ADAM28: variants seen among roughly 807,000 people sequenced by gnomAD.
ADAM28 encodes the protein disintegrin and metalloproteinase domain-containing protein 28.
Under a neutral mutation model 101.2 loss-of-function variants are expected in ADAM28, and 105 were observed. That is an observed-to-expected ratio of 1.04 (90% CI 0.89 to 1.22). The LOEUF is 1.22. Among genes scored for constraint, ADAM28 ranks in the 50% most tolerant of loss-of-function variants. The pLI, the probability that ADAM28 is intolerant of heterozygous loss-of-function variation, is 0.00. For synonymous variants in ADAM28, 322 were observed against 310.6 expected (o/e 1.04, Z -0.39); for missense variants, 1,028 against 945.4 (o/e 1.09, Z -1.15).
chr8:24,348,584 A>G (rs1012913768), intron 18 of ADAM28, among the ~76,000 whole-genome samples: 3 of 152,210 alleles, frequency 2.0e-5, no homozygotes, highest in Admixed American at 2.0e-4. Flanking sequence ...AAGTACTTTT[A>G]TACTTTTAGG....
In ADAM28 at chr8:24,323,838, A is replaced by C. The variant is rs1471604304; in HGVS notation, c.725A>C (p.Tyr242Ser). The C allele has an allele frequency of 1.9e-6, 3 of 1,607,486 alleles. No homozygotes were observed. Among genetic ancestry groups the C allele is most frequent in the African/African-American group, 1.3e-5 (1 of 74,484 alleles). Reference protein sequence around the residue: ...FEMANYVNMLYKKLNTHVALV... With the variant: ...FEMANYVNMLSKKLNTHVALV... ...CCATTTATTTTCTTTGGACAGCTTT[A>C]TAAAAAGCTCAATACTCATGTGGCC... The change falls in exon 9 of 23, where the codon TAT (tyrosine) becomes TCT (serine). Residue 242 changes from tyrosine (Y) to serine (S), a missense_variant. Coordinates refer to ENST00000265769, the MANE Select transcript of ADAM28 (RefSeq NM_014265.6).
At chr8:24,341,036 T>C (rs1814700584) in intron 15 of ADAM28, 1 of 152,406 alleles carries the variant, frequency 6.6e-6, no homozygotes, top group East Asian at 1.9e-4. Flanking sequence ...GACAGCATTA[T>C]AGTGGAGACT....
intron 20 of ADAM28, 31 bp from the exon 21 acceptor site, chr8:24,351,956 T>C: frequency 1.2e-6 from 2 of 1,610,792 alleles, no homozygotes; most frequent in Non-Finnish European, 1.7e-6. Flanking sequence ...AAACTAATGG[T>C]TCATTTTGAA....
intron 2 of ADAM28, among the ~76,000 whole-genome samples, chr8:24,306,369 T>TATATTATATAA (rs1809660208): frequency 7.4e-6 from 1 of 135,692 alleles, no homozygotes; most frequent in African/African-American, 2.9e-5. Context: ...AATAAATATA[T>TATATTATATAA]ATATATATAT....
At chr8:24,316,288 G>A (rs1811151178) in intron 6 of ADAM28, among the ~76,000 whole-genome samples, 1 of 151,798 alleles carries the variant, frequency 6.6e-6, no homozygotes, top group African/African-American at 2.4e-5. Flanking sequence ...AAAAGTAAGT[G>A]CTTGCTCAAA....
Position 24,294,088 on chromosome 8 carries a change from C to G in ADAM28, c.-62C>G, listed in dbSNP as rs1807635207. Reference sequence around the variant, plus strand: ...TGTCTCACTGGAGAGGAGGCAGGGACAGACCCAGCAGCACCCACCTGAGCG... The same window carrying G: ...TGTCTCACTGGAGAGGAGGCAGGGAGAGACCCAGCAGCACCCACCTGAGCG... On this transcript the variant is annotated 5_prime_UTR_variant, in exon 1 of 23. Coordinates refer to ENST00000265769, the MANE Select transcript of ADAM28 (RefSeq NM_014265.6). 6.3e-7 allele frequency: 1 copy of G among 1,579,724 alleles called. No individual in the cohort carries two copies. The highest frequency in any genetic ancestry group is 8.7e-7 in the Non-Finnish European group (1 of 1,148,896).
Position 24,300,056 on chromosome 8 carries a change from G to C in ADAM28, c.129G>C (p.Glu43Asp), listed in dbSNP as rs148373608. Residue 43 changes from glutamate to aspartate, a missense_variant, in exon 2 of 23, where the codon GAG becomes GAC. By Grantham distance (45) the Glu-to-Asp change is conservative (BLOSUM62 2). Transcript: ENST00000265769. The stretch of plus-strand genomic sequence containing the variant: ...GACTTCATCCACTGCATAAAAGAGA[G>C]GCCAAAGAGCCAGAGCAACAGGTAC... ...PIRLHPLHKR[E>D]AKEPEQQEQF... 1 of 1,613,556 alleles carries C rather than the reference G, an allele frequency of 6.2e-7. No individual in the cohort carries two copies. Among genetic ancestry groups the C allele is most frequent in the Non-Finnish European group, 8.5e-7 (1 of 1,179,916 alleles).
At chr8:24,306,673 T>C (rs1809736725) in intron 2 of ADAM28, among the ~76,000 whole-genome samples, 1 of 152,096 alleles carries the variant, frequency 6.6e-6, no homozygotes, top group Non-Finnish European at 1.5e-5. Flanking sequence ...TTAAAAAGTA[T>C]TGTGTGTTTT....
intron 19 of ADAM28, among the ~76,000 whole-genome samples, chr8:24,350,855 C>T (rs1335113229): frequency 6.5e-5 from 6 of 91,890 alleles, no homozygotes; most frequent in African/African-American, 2.5e-4. Context: ...GTGATTCTGG[C>T]ACAACGGTGT....
intron 2 of ADAM28, chr8:24,308,711 T>G (rs774451901): frequency 1.5e-5 from 7 of 456,040 alleles, no homozygotes; most frequent in Middle Eastern, 3.2e-4. Flanking sequence ...TGGGGGAAAT[T>G]TATAGCCTGG....
intron 8 of ADAM28, chr8:24,322,588 C>T (rs755062361): frequency 1.3e-5 from 2 of 151,940 alleles, no homozygotes; most frequent in Non-Finnish European, 2.9e-5. Context: ...AATGTGTTTT[C>T]CCCTGTGTTC....
intron 5 of ADAM28, among the ~76,000 whole-genome samples, chr8:24,311,780 C>G (rs1810489935): frequency 6.6e-6 from 1 of 152,090 alleles, no homozygotes. Context: ...TGCTCTGTCA[C>G]CAGGCTGGAG....
intron 20 of ADAM28, among the ~76,000 whole-genome samples, chr8:24,351,746 A>AATAACACTGGTAATCATTT (rs1563332160): frequency 1.6e-3 from 41 of 25,550 alleles, no homozygotes; most frequent in Non-Finnish European, 4.0e-3. Flanking sequence ...GAAGTTGGTT[A>AATAACACTGGTAATCATTT]ATAACATTGG....
At chr8:24,302,755 C>T (rs139177160) in intron 2 of ADAM28, among the ~76,000 whole-genome samples, 4,788 of 152,076 alleles carry the variant, frequency 0.031, 242 homozygotes, top group African/African-American at 0.11. Context: ...AGTGTCTGTT[C>T]ATGTCCTTTG....
Position 24,354,368 on chromosome 8 carries a change from G to A in ADAM28, c.2308-16G>A, listed in dbSNP as rs373053012. ...TTTGAAGAAAGTTGATCATTTAGAAGTTATGTCTTTTTTAGGACTCAAATC... is the reference window on the plus strand; with the variant it reads ...TTTGAAGAAAGTTGATCATTTAGAAATTATGTCTTTTTTAGGACTCAAATC... On this transcript the variant is annotated splice_polypyrimidine_tract_variant and intron_variant, in intron 22 of 22. Coordinates refer to ENST00000265769, the MANE Select transcript of ADAM28 (RefSeq NM_014265.6). 6.7e-6 allele frequency: 5 copies of A among 749,798 alleles called. No individual in the cohort carries two copies. The East Asian group carries it at 1.7e-4, about 25-fold the overall frequency. 46.4% of individuals were successfully genotyped at this position (749,798 alleles called of 1,614,324 possible).
At chr8:24,339,989 G>A (rs1276848978) in intron 15 of ADAM28, among the ~76,000 whole-genome samples, 2 of 152,150 alleles carry the variant, frequency 1.3e-5, no homozygotes, top group Non-Finnish European at 2.9e-5. Context: ...CAGATGCAGT[G>A]CTTGAACAGT....
rs6982284 is a variant in ADAM28 at position 24,335,675 on chromosome 8, C to G, written c.1567+34C>G. The G allele has an allele frequency of 4.6e-6, 7 of 1,521,162 alleles. No homozygotes were observed. The African/African-American group carries it at 9.7e-5, about 21-fold the overall frequency. 94.2% of individuals were successfully genotyped at this position (1,521,162 alleles called of 1,614,324 possible). A position where few individuals can be genotyped will look rare whatever the true frequency, so the allele number is the denominator to read the frequency against. On this transcript the variant is annotated intron_variant, in intron 14 of 22. Transcript: ENST00000265769. ...ACAAATCCTTTCCCCTGTGCATGTGCGAAGGAAAATCATTTCAGATGACAG... is the reference window on the plus strand; with the variant it reads ...ACAAATCCTTTCCCCTGTGCATGTGGGAAGGAAAATCATTTCAGATGACAG...
rs1277984198 is a variant in ADAM28 at position 24,355,354 on chromosome 8, A to ATAATT, written c.*952_*956dup. The ATAATT allele has an allele frequency of 6.6e-6, 1 of 151,272 alleles. No individual in the cohort carries two copies. The highest frequency in any genetic ancestry group is 1.9e-4 in the East Asian group (1 of 5,136). 9.4% of individuals were successfully genotyped at this position (151,272 alleles called of 1,614,324 possible). A position where few individuals can be genotyped will look rare whatever the true frequency, so the allele number is the denominator to read the frequency against. On this transcript the variant is annotated 3_prime_UTR_variant, in exon 23 of 23. Coordinates refer to ENST00000265769, the MANE Select transcript of ADAM28 (RefSeq NM_014265.6). ...CCCCTTTTTCCTGGCTTTTAGAACAATAATTTTGTTCACCTGCCCACTTCT... is the reference window on the plus strand; with the variant it reads ...CCCCTTTTTCCTGGCTTTTAGAACAATAATTTAATTTTGTTCACCTGCCCACTTCT...
chr8:24,351,377 T>C (rs1285663428), intron 20 of ADAM28, 67 bp downstream of exon 20: 5 of 1,426,410 alleles, frequency 3.5e-6, no homozygotes, highest in South Asian at 1.1e-5. Context: ...ACTCTTATCC[T>C]GACTACCTAT....
Sources: allele counts gnomAD v4.1 joint callset (sites outside exome capture counted in the v4.1 genomes callset), GRCh38; gene constraint gnomAD v4.1.1; transcripts MANE v1.5; gene names NCBI Gene and HGNC (gene_info 2026-07-23, HGNC 2026-07-21).